Variants in ABCC2 observed in about 807,000 individuals in gnomAD.
ABCC2 encodes the protein ATP binding cassette subfamily C member 2, also known as ATP-binding cassette sub-family C member 2.
In ABCC2, 157 loss-of-function variants were observed where a neutral mutation model predicts 173.4. The ratio of observed to expected loss-of-function variants is 0.91; its 90% confidence interval spans 0.80 to 1.03. The LOEUF (loss-of-function observed/expected upper bound fraction) is 1.03, where lower values mean the gene tolerates loss of function less well. Ranked by LOEUF, ABCC2 falls within the 50% of genes least tolerant of loss-of-function variation. The probability of loss-of-function intolerance (pLI) is 0.00; values close to 1 mark genes in which losing one functional copy is unlikely to be tolerated. For synonymous variants in ABCC2, 657 were observed against 693.5 expected (o/e 0.95, Z 0.83); for missense variants, 1,822 against 1,852.3 (o/e 0.98, Z 0.30).
At chr10:99,827,966 GGTGGGTT>G (rs1409118098) in intron 19 of ABCC2, among the ~76,000 whole-genome samples, 1 of 138,520 alleles carries the variant, frequency 7.2e-6, no homozygotes, top group Non-Finnish European at 1.6e-5. Context: ...CAGATGAAGG[GGTGGGTT>G]GCCCCTCCAC....
intron 9 of ABCC2, 127 bp from the exon 10 acceptor site, chr10:99,803,892 G>A: frequency 8.1e-7 from 1 of 1,230,428 alleles, no homozygotes. Context: ...AAGTCACAGT[G>A]CCTTGGAGAA....
Position 99,807,420 on chromosome 10 carries a change from G to A in ABCC2, c.1567G>A (p.Asp523Asn). Residue 523 changes from aspartate to asparagine, a missense_variant, in exon 12 of 32, where the codon GAC becomes AAC. By Grantham distance (23) the Asp-to-Asn change is conservative. Coordinates refer to ENST00000647814, the MANE Select transcript of ABCC2 (RefSeq NM_000392.5). ...KYFAWEPSFR[D>N]QVQNLRKKEL... ...TTTTGCCTGGGAACCTTCATTCAGAGACCAAGTACAAAACCTCCGGAAGAA... is the reference window on the plus strand; with the variant it reads ...TTTTGCCTGGGAACCTTCATTCAGAAACCAAGTACAAAACCTCCGGAAGAA... The A allele has an allele frequency of 6.2e-7, 1 of 1,614,098 alleles. No individual in the cohort carries two copies. Among genetic ancestry groups the A allele is most frequent in the South Asian group, 1.1e-5 (1 of 91,074 alleles).
At chr10:99,825,010 C>T (rs1257400327) in intron 19 of ABCC2, among the ~76,000 whole-genome samples, 1 of 118,200 alleles carries the variant, frequency 8.5e-6, no homozygotes, top group Non-Finnish European at 1.8e-5. Context: ...ACAGTGGCTG[C>T]CCCTAACAAG....
chr10:99,827,293 C>T (rs1319958759), intron 19 of ABCC2, among the ~76,000 whole-genome samples: 2 of 152,110 alleles, frequency 1.3e-5, no homozygotes, highest in African/African-American at 4.8e-5. Flanking sequence ...GGCTTAGACT[C>T]TGATGGCCCC....
At position 99,830,344 on chromosome 10, in the gene ABCC2, G is replaced by A. The variant is rs2038716203; in HGVS notation, c.2658G>A (p.Gly886=). ...GTGAAGAAGAAGACGATGACTATGG[G>A]CTGATATCCAGTGTGGAAGAGATCC... is the stretch of plus-strand genomic sequence containing the variant. The part of the protein sequence containing the change: ...DGSEEEDDDY[G]LISSVEEIPE... Residue 886 remains glycine (G), a synonymous_variant, in exon 20 of 32, where the codon GGG becomes GGA. Coordinates refer to ENST00000647814, the MANE Select transcript of ABCC2 (RefSeq NM_000392.5). 6.2e-7 allele frequency: 1 copy of A among 1,614,052 alleles called. No homozygotes were observed. The highest frequency in any genetic ancestry group is 1.7e-5 in the Admixed American group (1 of 60,002).
chr10:99,830,702 C>G lies in ABCC2; in HGVS notation c.2748-14C>G, dbSNP rs1414082947. ...GGAATTGCCTGCATGCTCAGGGAAG[C>G]TTCCCTCTCTCAGTTCTAGGTCCAA... On this transcript the variant is annotated splice_polypyrimidine_tract_variant and intron_variant, in intron 20 of 31. Coordinates refer to ENST00000647814, the MANE Select transcript of ABCC2 (RefSeq NM_000392.5). The G allele has an allele frequency of 6.2e-7, 1 of 1,614,084 alleles. No homozygotes were observed. The highest frequency in any genetic ancestry group is 1.1e-5 in the South Asian group (1 of 91,080).
Position 99,832,063 on chromosome 10 carries a change from A to G in ABCC2, c.3190A>G (p.Ile1064Val), listed in dbSNP as rs1468745268. Residue 1064 changes from isoleucine to valine, a missense_variant, in exon 23 of 32, where the codon ATC becomes GTC. By Grantham distance (29) the Ile-to-Val change is conservative. Transcript: ENST00000647814. The part of the protein sequence containing the change: ...NILHKQLLNN[I>V]LRAPMRFFDT... ...CTTGCACAAGCAACTGCTGAACAATATCCTTCGAGCACCTATGAGATTTTT... is the reference window on the plus strand; with the variant it reads ...CTTGCACAAGCAACTGCTGAACAATGTCCTTCGAGCACCTATGAGATTTTT... 2 of 1,614,096 alleles carry G rather than the reference A, an allele frequency of 1.2e-6. No individual in the cohort carries two copies. Among genetic ancestry groups the G allele is most frequent in the Non-Finnish European group, 1.7e-6 (2 of 1,180,036 alleles).
At position 99,782,790 on chromosome 10, in the gene ABCC2, A is replaced by G; in HGVS notation, c.-55A>G. ...TCTTTGATGAAACAAGTAAAGAAGA[A>G]ACAACACAATCATATTAATAGAAGA... On this transcript the variant is annotated 5_prime_UTR_variant, in exon 1 of 32. Coordinates refer to ENST00000647814, the MANE Select transcript of ABCC2 (RefSeq NM_000392.5). 6.3e-7 allele frequency: 1 copy of G among 1,592,248 alleles called. No individual in the cohort carries two copies.
rs1472214411 is a variant in ABCC2, at chr10:99,793,686, G to A, written c.468+1G>A. On this transcript the variant is annotated splice_donor_variant, in intron 4 of 31. Coordinates refer to ENST00000647814, the MANE Select transcript of ABCC2 (RefSeq NM_000392.5). LOFTEE classifies it high-confidence loss of function. ...GACTCTGATCCGGACACTCTTACAG[G>A]TAAGGAAAAAAAGAGTGGATGACAT... 2 of 1,614,028 alleles carry A rather than the reference G, an allele frequency of 1.2e-6. No homozygotes were observed. The highest frequency in any genetic ancestry group is 1.7e-6 in the Non-Finnish European group (2 of 1,179,980).
In ABCC2 at chr10:99,800,378, T is replaced by C; in HGVS notation, c.1032-8T>C. On this transcript the variant is annotated splice_polypyrimidine_tract_variant and splice_region_variant and intron_variant, in intron 8 of 31. Coordinates refer to ENST00000647814, the MANE Select transcript of ABCC2 (RefSeq NM_000392.5). ...ATGGGTATAACTAACTTGGCTTTTCTCTGGCAGATTGCTGATCTCCTTTGC... is the reference window on the plus strand; with the variant it reads ...ATGGGTATAACTAACTTGGCTTTTCCCTGGCAGATTGCTGATCTCCTTTGC... The C allele has an allele frequency of 6.2e-7, 1 of 1,614,170 alleles. No homozygotes were observed. The highest frequency in any genetic ancestry group is 1.3e-5 in the African/African-American group (1 of 75,062).
intron 28 of ABCC2, among the ~76,000 whole-genome samples, chr10:99,844,715 A>G (rs952655372): frequency 5.9e-5 from 9 of 152,218 alleles, no homozygotes; most frequent in African/African-American, 2.2e-4. Context: ...CCAGCTGACC[A>G]GGGCCCCTTT....
Position 99,784,736 on chromosome 10 carries a change from C to G in ABCC2, c.162C>G (p.Ser54=), listed in dbSNP as rs748727152. 3.1e-6 allele frequency: 5 copies of G among 1,614,036 alleles called. No homozygotes were observed. Among genetic ancestry groups the G allele is most frequent in the Admixed American group, 1.7e-5 (1 of 60,002 alleles). Residue 54 remains serine, a synonymous_variant, in exon 2 of 32, where the codon TCC becomes TCG. Coordinates refer to ENST00000647814, the MANE Select transcript of ABCC2 (RefSeq NM_000392.5). ...APWQLLHVYK[S]RTKRSSTTKL... ...GGCAGCTTCTCCACGTGTATAAATCCAGGACCAAGAGATCCTCTACCACCA... is the reference window on the plus strand; with the variant it reads ...GGCAGCTTCTCCACGTGTATAAATCGAGGACCAAGAGATCCTCTACCACCA...
chr10:99,805,382 G>A lies in ABCC2; in HGVS notation c.1465G>A (p.Val489Ile). 1.2e-6 allele frequency: 2 copies of A among 1,613,656 alleles called. No individual in the cohort carries two copies. The highest frequency in any genetic ancestry group is 1.7e-6 in the Non-Finnish European group (2 of 1,179,720). The change falls in exon 11 of 32, where the codon GTC becomes ATC. Residue 489 changes from valine to isoleucine, a missense_variant and splice_region_variant. Transcript: ENST00000647814. The part of the protein sequence containing the change: ...ILSTKSKTIQ[V>I]KNMKNKDKRL... ...TTTTCTTTTGCTTTTTTCCTGGCAGGTCAAAAATATGAAGAATAAAGACAA... is the reference window on the plus strand; with the variant it reads ...TTTTCTTTTGCTTTTTTCCTGGCAGATCAAAAATATGAAGAATAAAGACAA...
At chr10:99,832,786 C>T (rs542599011) in intron 23 of ABCC2, among the ~76,000 whole-genome samples, 27 of 152,330 alleles carry the variant, frequency 1.8e-4, no homozygotes, top group South Asian at 1.5e-3. Flanking sequence ...ACCACAGATC[C>T]TGGACCCCTT....
At chr10:99,830,606 G>A in intron 20 of ABCC2, 110 bp from the exon 21 acceptor site, 3 of 1,575,846 alleles carry the variant, frequency 1.9e-6, no homozygotes, top group Non-Finnish European at 2.6e-6. Context: ...AGTTTCCCCT[G>A]GTCATCTGCC....
At chr10:99,829,956 C>G (rs1039848924) in intron 19 of ABCC2, among the ~76,000 whole-genome samples, 5 of 152,314 alleles carry the variant, frequency 3.3e-5, no homozygotes, top group African/African-American at 1.2e-4. Flanking sequence ...ACAATCACTT[C>G]TTTAGTCAAT....
chr10:99,832,748 A>T (rs74232648), intron 23 of ABCC2, among the ~76,000 whole-genome samples: 1 of 152,190 alleles, frequency 6.6e-6, no homozygotes, highest in South Asian at 2.1e-4. Context: ...CAGTGATTTT[A>T]AAAAGTTCTC....
intron 24 of ABCC2, 54 bp from the exon 25 acceptor site, chr10:99,836,037 T>C: frequency 1.9e-6 from 3 of 1,566,676 alleles, no homozygotes; most frequent in African/African-American, 1.4e-5. Flanking sequence ...AGGAGGAAGA[T>C]GGTGGATGCC....
intron 6 of ABCC2, among the ~76,000 whole-genome samples, chr10:99,795,720 G>GAAGA (rs1190466156): frequency 8.1e-5 from 10 of 122,748 alleles, no homozygotes; most frequent in African/African-American, 2.9e-4. Flanking sequence ...GAGAGAGAGA[G>GAAGA]AAGAAAGAAA....
Sources: allele counts gnomAD v4.1 joint callset (sites outside exome capture counted in the v4.1 genomes callset), GRCh38; gene constraint gnomAD v4.1.1; transcripts MANE v1.5; gene names NCBI Gene and HGNC (gene_info 2026-07-23, HGNC 2026-07-21).